Variants in SMURF1 observed in about 807,000 individuals in gnomAD.
The protein encoded by SMURF1 is E3 ubiquitin-protein ligase SMURF1.
A neutral mutation model predicts 98.0 loss-of-function variants in SMURF1; 44 were observed. The ratio of observed to expected loss-of-function variants is 0.45; its 90% CI spans 0.35 to 0.58. The LOEUF (loss-of-function observed/expected upper bound fraction) is 0.58. Among genes scored for constraint, SMURF1 ranks in the 20% least tolerant of loss-of-function variants. The probability of loss-of-function intolerance (pLI) is 0.00; values close to 1 mark genes in which losing one functional copy is unlikely to be tolerated. For missense variants in SMURF1, 687 were observed against 938.4 expected (o/e 0.73, Z 3.50); for synonymous variants, 396 against 374.9 (o/e 1.06, Z -0.65).
chr7:99,061,407 T>C (rs1796031813), intron 2 of SMURF1, among the ~76,000 whole-genome samples: 1 of 152,228 alleles, frequency 6.6e-6, no homozygotes, highest in South Asian at 2.1e-4. Flanking sequence ...TTATAGGGTG[T>C]TGTAAATGTG....
Sources: allele counts gnomAD v4.1 joint callset (sites outside exome capture counted in the v4.1 genomes callset), GRCh38; gene constraint gnomAD v4.1.1; transcripts MANE v1.5; gene names NCBI Gene and HGNC (gene_info 2026-07-23, HGNC 2026-07-21).